Variants in BEND3 observed in about 807,000 individuals in gnomAD.
BEND3 encodes the protein BEN domain containing 3.
BEND3 carries 13 observed loss-of-function variants against 60.1 expected under a neutral mutation model. That is an observed-to-expected ratio of 0.22 (90% CI 0.14 to 0.34). The LOEUF is 0.34. Ranked by LOEUF, BEND3 falls within the 10% of genes least tolerant of loss-of-function variation. The pLI is 1.00. For synonymous variants in BEND3, 497 were observed against 491.5 expected, an observed-to-expected ratio of 1.01 and a Z score of -0.15; for missense variants, 896 against 1,138.1, an observed-to-expected ratio of 0.79 and a Z score of 3.06.
chr6:107,080,372 A>C (rs542526977), intron 3 of BEND3, among the ~76,000 whole-genome samples: 44 of 135,322 alleles, frequency 3.3e-4, no homozygotes, highest in East Asian at 1.7e-3. Flanking sequence ...AAAAAAAAAA[A>C]AAAAACAAAA....
At chr6:107,078,713 C>T (rs568395794) in intron 3 of BEND3, among the ~76,000 whole-genome samples, 4 of 151,266 alleles carry the variant, frequency 2.6e-5, no homozygotes, top group Admixed American at 6.6e-5. Context: ...CCCAGCGAGG[C>T]GGGCAGTGTC....
chr6:107,069,124 C>G lies in BEND3; in HGVS notation c.2067G>C (p.Leu689=). Residue 689 remains leucine (L), a synonymous_variant, in exon 4 of 4, where the codon CTG becomes CTC. Transcript: ENST00000369042. The part of the protein sequence containing the change: ...RFREEFEGPP[L]PPERSSKDFC... ...AGTCCTTGCTGCTCCTCTCGGGGGG[C>G]AGTGGGGGCCCCTCAAACTCCTCCC... 1 of 1,612,686 alleles carries G rather than the reference C, an allele frequency of 6.2e-7. No individual in the cohort carries two copies. Among genetic ancestry groups the G allele is most frequent in the Non-Finnish European group, 8.5e-7 (1 of 1,179,990 alleles).
intron 1 of BEND3, among the ~76,000 whole-genome samples, chr6:107,103,551 T>C (rs1301246976): frequency 2.0e-5 from 3 of 152,212 alleles, no homozygotes; most frequent in African/African-American, 4.8e-5. Context: ...CCTCAAATTA[T>C]GGGACAGTCA....
intron 3 of BEND3, among the ~76,000 whole-genome samples, chr6:107,078,898 C>G (rs911414805): frequency 1.3e-5 from 2 of 151,920 alleles, no homozygotes; most frequent in Non-Finnish European, 2.9e-5. Context: ...AGGCCTGTGC[C>G]CATGGACCTA....
At position 107,105,264 on chromosome 6, in the gene BEND3, C is replaced by T. The variant is rs887299033; in HGVS notation, c.-11-5968G>A. Among the ~76,000 whole-genome samples the T allele has an allele frequency of 4.0e-5, 6 of 151,518 alleles. No individual in the cohort carries two copies. The South Asian group carries it at 6.3e-4, about 16-fold the overall frequency. On this transcript the variant is annotated intron_variant, in intron 1 of 3. Transcript: ENST00000369042. ...CACCCACCTGTAGTCCCAGCTACTC[C>T]GGAGGCTGAGGCAGGAGAATCGCTT...
At chr6:107,086,525 G>C (rs1227051050) in intron 3 of BEND3, among the ~76,000 whole-genome samples, 1 of 152,048 alleles carries the variant, frequency 6.6e-6, no homozygotes, top group South Asian at 2.1e-4. Flanking sequence ...TGAGGCAGGA[G>C]AATCGCTTGA....
intron 1 of BEND3, among the ~76,000 whole-genome samples, chr6:107,111,479 C>T (rs1770086552): frequency 6.6e-6 from 1 of 150,944 alleles, no homozygotes; most frequent in African/African-American, 2.4e-5. Context: ...CCACTGCATT[C>T]TAGCCTGGGT....
chr6:107,074,342 G>A (rs934395990), intron 3 of BEND3, among the ~76,000 whole-genome samples: 1 of 152,184 alleles, frequency 6.6e-6, no homozygotes, highest in Non-Finnish European at 1.5e-5. Context: ...TTGAACCTGG[G>A]AGGCGGAGGT....
rs529393842 is a variant in BEND3 at position 107,069,118 on chromosome 6, G to A, written c.2073C>T (p.Pro691=). ...REEFEGPPLP[P]ERSSKDFCKI... ...TGCAAAAGTCCTTGCTGCTCCTCTC[G>A]GGGGGCAGTGGGGGCCCCTCAAACT... The change falls in exon 4 of 4, where the codon CCC becomes CCT. Residue 691 remains proline (P), a synonymous_variant. Coordinates refer to ENST00000369042, the MANE Select transcript of BEND3 (RefSeq NM_001367314.1). The A allele has an allele frequency of 3.1e-5, 50 of 1,612,644 alleles. No individual in the cohort carries two copies. The South Asian group carries it at 3.6e-4, about 12-fold the overall frequency.
chr6:107,073,373 G>A (rs1554232377), intron 3 of BEND3, among the ~76,000 whole-genome samples: 2 of 149,860 alleles, frequency 1.3e-5, no homozygotes, highest in African/African-American at 2.5e-5. Flanking sequence ...CCAGAGTGGA[G>A]GCAGCCTGTC....
chr6:107,083,496 T>G (rs311225), intron 3 of BEND3, among the ~76,000 whole-genome samples: 124,364 of 151,748 alleles, frequency 0.82, 51,003 homozygotes, highest in East Asian at 0.89. Flanking sequence ...AATTACCCAG[T>G]TGTGGTGGTG....
chr6:107,096,181 C>T (rs1309407349), intron 3 of BEND3, among the ~76,000 whole-genome samples: 1 of 152,056 alleles, frequency 6.6e-6, no homozygotes, highest in Non-Finnish European at 1.5e-5. Flanking sequence ...TTCTGTAAAC[C>T]TAAAACTGCT....
chr6:107,101,979 G>A (rs1202303255), intron 1 of BEND3, among the ~76,000 whole-genome samples: 1 of 152,178 alleles, frequency 6.6e-6, no homozygotes, highest in Non-Finnish European at 1.5e-5. Context: ...ATTACATTTG[G>A]CAGAGAAAAG....
intron 3 of BEND3, among the ~76,000 whole-genome samples, chr6:107,085,143 C>T (rs781937283): frequency 3.9e-5 from 6 of 152,122 alleles, no homozygotes; most frequent in Non-Finnish European, 7.4e-5. Flanking sequence ...ACACTCACTG[C>T]GAAGGTCTGC....
At chr6:107,106,165 AG>A (rs1173523256) in intron 1 of BEND3, 2 of 152,244 alleles carry the variant, frequency 1.3e-5, no homozygotes, top group Non-Finnish European at 2.9e-5. Flanking sequence ...AATTAAACCT[AG>A]AAGAGGGGGA....
intron 3 of BEND3, 141 bp from the exon 4 acceptor site, chr6:107,071,091 G>A: frequency 1.3e-6 from 1 of 774,196 alleles, no homozygotes; most frequent in South Asian, 1.9e-5. Context: ...GAATCACTCT[G>A]TCATCCAAGG....
intron 3 of BEND3, among the ~76,000 whole-genome samples, chr6:107,096,927 G>A (rs1388519615): frequency 5.9e-5 from 9 of 152,096 alleles, no homozygotes; most frequent in Admixed American, 3.3e-4. Flanking sequence ...AGATGTTGCA[G>A]TGAGCTGAGA....
At chr6:107,094,889 T>C (rs1466958197) in intron 3 of BEND3, among the ~76,000 whole-genome samples, 1 of 142,524 alleles carries the variant, frequency 7.0e-6, no homozygotes, top group Non-Finnish European at 1.5e-5. Flanking sequence ...GACACAACCA[T>C]GGTTCACGGC....
rs782044755 is a variant in BEND3 at position 107,070,645 on chromosome 6, G to A, written c.546C>T (p.Thr182=). The part of the protein sequence containing the change: ...NEPQKRDCGS[T]GAGTDNDPNI... ...TGGGGTCGTTGTCAGTGCCTGCCCC[G>A]GTGCTGCCACAGTCCCGCTTCTGTG... Residue 182 remains threonine (T), a synonymous_variant, in exon 4 of 4, where the codon ACC becomes ACT. Transcript: ENST00000369042. This position sits in a 1 kb window ranked among gnomAD's most constrained non-coding sequence, Gnocchi z 6.9. 1.4e-5 allele frequency: 22 copies of A among 1,612,254 alleles called. No individual in the cohort carries two copies. Among genetic ancestry groups the A allele is most frequent in the South Asian group, 7.7e-5 (7 of 91,006 alleles).
Sources: allele counts gnomAD v4.1 joint callset (sites outside exome capture counted in the v4.1 genomes callset), GRCh38; gene constraint gnomAD v4.1.1; non-coding constraint Gnocchi (gnomAD v3.1); transcripts MANE v1.5; gene names NCBI Gene and HGNC (gene_info 2026-07-23, HGNC 2026-07-21).